DNM3: variants seen among roughly 807,000 people sequenced by gnomAD.
DNM3 encodes dynamin 3.
DNM3 carries 47 observed loss-of-function variants against 101.6 expected under a neutral mutation model. The observed-to-expected ratio is 0.46, with a 90% CI of 0.37 to 0.59. DNM3 has a LOEUF of 0.59. DNM3 is among the 20% of genes least tolerant of loss of function. The pLI is 0.00. For missense variants in DNM3, 849 were observed against 1,085.7 expected (o/e 0.78, Z 3.06); for synonymous variants, 385 against 387.9 (o/e 0.99, Z 0.09).
chr1:171,941,689 G>A (rs979348947), intron 2 of DNM3, among the ~76,000 whole-genome samples: 1 of 152,152 alleles, frequency 6.6e-6, no homozygotes, highest in Non-Finnish European at 1.5e-5. Flanking sequence ...TAATATCCTT[G>A]TTCATAGTAT....
intron 15 of DNM3, among the ~76,000 whole-genome samples, chr1:172,281,932 A>T (rs909064819): frequency 1.7e-4 from 26 of 152,336 alleles, no homozygotes; most frequent in African/African-American, 6.3e-4. Context: ...TACAAAAATT[A>T]AAAAAGAAAA....
intron 1 of DNM3, among the ~76,000 whole-genome samples, chr1:171,860,968 A>T (rs544529421): frequency 6.6e-6 from 1 of 152,268 alleles, no homozygotes; most frequent in African/African-American, 2.4e-5. Context: ...AGGTGGTTGG[A>T]TATAAGAGCC....
chr1:172,286,366 C>G (rs2063702813), intron 15 of DNM3, among the ~76,000 whole-genome samples: 3 of 152,132 alleles, frequency 2.0e-5, no homozygotes, highest in Non-Finnish European at 4.4e-5. Context: ...TTCACCAGTT[C>G]CTTTTATTCC....
chr1:172,206,541 T>C (rs2148504759), intron 14 of DNM3, among the ~76,000 whole-genome samples: 1 of 152,244 alleles, frequency 6.6e-6, no homozygotes, highest in South Asian at 2.1e-4. Context: ...TTTTTTCTTT[T>C]ACTGCAAGTA....
At chr1:172,396,318 T>C (rs777960506) in intron 20 of DNM3, among the ~76,000 whole-genome samples, 1 of 152,228 alleles carries the variant, frequency 6.6e-6, no homozygotes, top group South Asian at 2.1e-4. Context: ...AGGGTCTTCC[T>C]AACTTCAGTT....
At chr1:172,294,826 G>C (rs1015678023) in intron 15 of DNM3, among the ~76,000 whole-genome samples, 1 of 151,510 alleles carries the variant, frequency 6.6e-6, no homozygotes, top group Non-Finnish European at 1.5e-5. Flanking sequence ...GTGGAAGGAT[G>C]GTTTGAGCCT....
intron 16 of DNM3, among the ~76,000 whole-genome samples, chr1:172,313,855 G>T (rs907087985): frequency 4.6e-5 from 7 of 152,038 alleles, no homozygotes; most frequent in African/African-American, 1.7e-4. Flanking sequence ...GTGCAGGTTT[G>T]TTACATAGGT....
intron 14 of DNM3, among the ~76,000 whole-genome samples, chr1:172,224,435 G>T (rs1019967051): frequency 6.6e-6 from 1 of 152,060 alleles, no homozygotes; most frequent in African/African-American, 2.4e-5. Flanking sequence ...TTATTTCAAA[G>T]TGATCCAGGT....
chr1:172,139,805 C>G (rs1403514054), intron 14 of DNM3: 1 of 152,032 alleles, frequency 6.6e-6, no homozygotes, highest in African/African-American at 2.4e-5. Flanking sequence ...GAAAATTTTT[C>G]TTATAATTTA....
intron 13 of DNM3, among the ~76,000 whole-genome samples, chr1:172,123,237 A>AT (rs2056423560): frequency 6.6e-6 from 1 of 152,158 alleles, no homozygotes; most frequent in Non-Finnish European, 1.5e-5. Flanking sequence ...ATATTTGATT[A>AT]TTTTGTGTCT....
chr1:172,289,598 T>C, intron 15 of DNM3: 1 of 961,342 alleles, frequency 1.0e-6, no homozygotes. Context: ...AATATTATAT[T>C]CTTCTTTGCT....
chr1:172,396,857 T>C (rs2070045782), intron 20 of DNM3, among the ~76,000 whole-genome samples: 1 of 152,190 alleles, frequency 6.6e-6, no homozygotes, highest in African/African-American at 2.4e-5. Flanking sequence ...AGACCTCTTA[T>C]GAGAATAGGA....
At position 172,225,114 on chromosome 1, in the gene DNM3, C is replaced by G. The variant is rs145458270; in HGVS notation, c.1660-28459C>G. Among the ~76,000 whole-genome samples the G allele has an allele frequency of 4.5e-4, 68 of 149,890 alleles. 2 individuals carry two copies. In the East Asian group the frequency reaches 0.013, roughly 28 times the overall value. On this transcript the variant is annotated intron_variant, in intron 14 of 20. Coordinates refer to ENST00000627582, the MANE Select transcript of DNM3 (RefSeq NM_015569.5). ...TTTGCTATTTTCTTTGGTGGCATGT[C>G]CCTCCTGTTTCTTCTTCCTCTTTTT...
chr1:172,026,037 T>A (rs1028600838), intron 4 of DNM3, among the ~76,000 whole-genome samples: 1 of 152,050 alleles, frequency 6.6e-6, no homozygotes, highest in Non-Finnish European at 1.5e-5. Context: ...TTTAACCCAA[T>A]ACAAGGAAGC....
intron 12 of DNM3, among the ~76,000 whole-genome samples, chr1:172,083,966 A>G (rs1449460529): frequency 1.3e-5 from 2 of 152,070 alleles, no homozygotes; most frequent in African/African-American, 4.8e-5. Flanking sequence ...TATTGGGGAG[A>G]AAAAAAGAAG....
chr1:172,020,555 C>A (rs1454898325), intron 4 of DNM3, among the ~76,000 whole-genome samples: 2 of 151,580 alleles, frequency 1.3e-5, no homozygotes, highest in Non-Finnish European at 2.9e-5. Flanking sequence ...CCCATCTCTA[C>A]TAAAAATACA....
intron 1 of DNM3, among the ~76,000 whole-genome samples, chr1:171,867,884 T>C (rs945864429): frequency 2.0e-5 from 3 of 152,352 alleles, no homozygotes; most frequent in Middle Eastern, 3.4e-3. Flanking sequence ...CATTATTTTA[T>C]ATACAGCTAA....
chr1:172,393,536 T>G (rs926558066), intron 20 of DNM3: 1 of 152,714 alleles, frequency 6.5e-6, no homozygotes, highest in African/African-American at 2.4e-5. Flanking sequence ...GTGACTAGCC[T>G]GTGTCTGATT....
At chr1:171,855,993 A>T (rs1456765278) in intron 1 of DNM3, among the ~76,000 whole-genome samples, 1 of 151,934 alleles carries the variant, frequency 6.6e-6, no homozygotes, top group Non-Finnish European at 1.5e-5. Context: ...GGTTTTTATA[A>T]TTTTGGGTTT....
Sources: gnomAD v4.1 joint callset for allele counts (sites outside exome capture counted in the v4.1 genomes callset) on GRCh38, gnomAD v4.1.1 for gene constraint, MANE v1.5 for transcripts, NCBI Gene and HGNC (gene_info 2026-07-23, HGNC 2026-07-21) for gene names.